RPS6KC1: variants seen among roughly 807,000 people sequenced by gnomAD.
The protein encoded by RPS6KC1 is inactive ribosomal protein S6 kinase delta-1.
A neutral mutation model predicts 103.8 loss-of-function variants in RPS6KC1; 54 were observed. The observed-to-expected ratio is 0.52, with a 90% confidence interval of 0.42 to 0.65. The LOEUF (loss-of-function observed/expected upper bound fraction) is 0.65. Ranked by LOEUF, RPS6KC1 falls within the 30% of genes least tolerant of loss-of-function variation. RPS6KC1 has a pLI of 0.00. For missense variants in RPS6KC1, 1,151 were observed against 1,253.8 expected (o/e 0.92, Z 1.24); for synonymous variants, 439 against 438.7 (o/e 1.00, Z -0.01).
the RPS6KC1 span, among the ~76,000 whole-genome samples, chr1:213,767,004 C>T: frequency 6.6e-6 from 1 of 152,088 alleles, no homozygotes; most frequent in Non-Finnish European, 1.5e-5. Context: ...CTATCCAGTT[C>T]CATTGATCCT....
the RPS6KC1 span, among the ~76,000 whole-genome samples, chr1:213,635,723 C>T: frequency 1.3e-5 from 2 of 152,196 alleles, no homozygotes; most frequent in Admixed American, 6.5e-5. Context: ...CAGGGATGCC[C>T]TCTCTCACCA....
At chr1:213,289,362 A>G in the RPS6KC1 span, among the ~76,000 whole-genome samples, 1 of 152,076 alleles carries the variant, frequency 6.6e-6, no homozygotes, top group Admixed American at 6.5e-5. Context: ...AGTTTTGTAA[A>G]GAAATTTTTT....
the RPS6KC1 span, among the ~76,000 whole-genome samples, chr1:213,372,191 G>T: frequency 6.6e-6 from 1 of 152,236 alleles, no homozygotes. Flanking sequence ...GACCTGTGCA[G>T]GTGGGTGCTG....
chr1:213,400,711 C>CTT, the RPS6KC1 span, among the ~76,000 whole-genome samples: 4 of 145,650 alleles, frequency 2.7e-5, no homozygotes, highest in African/African-American at 1.0e-4. Flanking sequence ...TTCTTTCTCT[C>CTT]TTTTTTTTTT....
chr1:213,642,916 AT>A, the RPS6KC1 span, among the ~76,000 whole-genome samples: 2 of 151,656 alleles, frequency 1.3e-5, no homozygotes, highest in African/African-American at 2.4e-5. Flanking sequence ...ATATTTTATC[AT>A]TTTTCTAACA....
At chr1:213,625,136 C>T in the RPS6KC1 span, among the ~76,000 whole-genome samples, 1 of 152,076 alleles carries the variant, frequency 6.6e-6, no homozygotes, top group East Asian at 1.9e-4. Context: ...TCCCAAAGTG[C>T]TAGGACCACG....
chr1:213,765,531 G>A, the RPS6KC1 span, among the ~76,000 whole-genome samples: 1 of 152,146 alleles, frequency 6.6e-6, no homozygotes, highest in Non-Finnish European at 1.5e-5. Flanking sequence ...CCTCTTGAAG[G>A]CAAAGGTATT....
chr1:213,476,117 A>G, the RPS6KC1 span, among the ~76,000 whole-genome samples: 977 of 152,200 alleles, frequency 6.4e-3, 10 homozygotes, highest in Non-Finnish European at 7.6e-3. Flanking sequence ...GCCCTCAGGA[A>G]ACACCCAGCA....
chr1:213,256,680 C>T (rs1029511982), intron 12 of RPS6KC1, among the ~76,000 whole-genome samples: 8 of 152,162 alleles, frequency 5.3e-5, no homozygotes, highest in Non-Finnish European at 1.0e-4. Context: ...TCTGTGTTGC[C>T]TCCCATTCAG....
chr1:213,614,276 C>A, the RPS6KC1 span, among the ~76,000 whole-genome samples: 1 of 152,308 alleles, frequency 6.6e-6, no homozygotes, highest in South Asian at 2.1e-4. Flanking sequence ...GTGAGGAGAC[C>A]TAGACCAGGA....
At chr1:213,180,073 A>G (rs1374798939) in intron 8 of RPS6KC1, among the ~76,000 whole-genome samples, 1 of 152,194 alleles carries the variant, frequency 6.6e-6, no homozygotes, top group Non-Finnish European at 1.5e-5. Flanking sequence ...TCTGTTCTTC[A>G]ATTGGGATTA....
the RPS6KC1 span, among the ~76,000 whole-genome samples, chr1:213,678,769 C>G: frequency 1.4e-4 from 22 of 152,270 alleles, no homozygotes; most frequent in African/African-American, 5.3e-4. Flanking sequence ...AGTCACTACA[C>G]AGTGAAGTGA....
the RPS6KC1 span, among the ~76,000 whole-genome samples, chr1:213,602,102 T>TC: frequency 8.7e-5 from 2 of 23,002 alleles, 1 homozygote; most frequent in African/African-American, 3.9e-4. Context: ...CTTTCTTTCT[T>TC]TCTTTCTTTC....
the RPS6KC1 span, among the ~76,000 whole-genome samples, chr1:213,564,310 A>G: frequency 6.6e-6 from 1 of 152,010 alleles, no homozygotes; most frequent in Non-Finnish European, 1.5e-5. Context: ...CTCTGAAACC[A>G]CCCTTCTTTG....
At chr1:213,857,049 A>G in the RPS6KC1 span, among the ~76,000 whole-genome samples, 1 of 152,234 alleles carries the variant, frequency 6.6e-6, no homozygotes, top group Non-Finnish European at 1.5e-5. Flanking sequence ...TTAGTCTTAT[A>G]TTTGTATTGA....
chr1:213,781,586 G>A, the RPS6KC1 span, among the ~76,000 whole-genome samples: 1 of 152,182 alleles, frequency 6.6e-6, no homozygotes, highest in East Asian at 1.9e-4. Context: ...TTAAGAGAAT[G>A]GGAAGAAACT....
the RPS6KC1 span, among the ~76,000 whole-genome samples, chr1:213,491,540 T>G: frequency 2.7e-5 from 4 of 149,592 alleles, no homozygotes; most frequent in African/African-American, 1.0e-4. Context: ...AGATCAAGAC[T>G]GTGCCAAACA....
chr1:213,612,456 G>C, the RPS6KC1 span, among the ~76,000 whole-genome samples: 1 of 152,218 alleles, frequency 6.6e-6, no homozygotes, highest in South Asian at 2.1e-4. Flanking sequence ...TATAGTCTCA[G>C]TGGCTGGGGG....
chr1:213,860,623 G>T, the RPS6KC1 span, among the ~76,000 whole-genome samples: 9 of 152,018 alleles, frequency 5.9e-5, no homozygotes, highest in Non-Finnish European at 1.2e-4. Context: ...GCAAAGGAGA[G>T]AGTGTTCTAG....
Sources: gnomAD v4.1 joint callset for allele counts (sites outside exome capture counted in the v4.1 genomes callset) on GRCh38, gnomAD v4.1.1 for gene constraint, MANE v1.5 for transcripts, NCBI Gene and HGNC (gene_info 2026-07-23, HGNC 2026-07-21) for gene names.